The following PRRG2 variants were observed in gnomAD, a reference collection of about 807,000 sequenced individuals.
PRRG2 encodes proline rich and Gla domain 2.
In PRRG2, 23 loss-of-function variants were observed where a neutral mutation model predicts 27.1. That is an observed-to-expected ratio of 0.85 (90% CI 0.61 to 1.20). The LOEUF (loss-of-function observed/expected upper bound fraction) is 1.20, where lower values mean the gene tolerates loss of function less well. PRRG2 is among the 50% of genes most tolerant of loss of function. The pLI, the probability that PRRG2 is intolerant of heterozygous loss-of-function variation, is 0.00. For missense variants in PRRG2, 276 were observed against 254.8 expected (o/e 1.08, Z -0.57); for synonymous variants, 104 against 103.4 (o/e 1.01, Z -0.03).
At chr19:49,586,718 G>A (rs2080673162) in intron 4 of PRRG2, among the ~76,000 whole-genome samples, 1 of 152,168 alleles carries the variant, frequency 6.6e-6, no homozygotes, top group Non-Finnish European at 1.5e-5. Flanking sequence ...GGATGTGGTG[G>A]TGCACACCTG....
intron 4 of PRRG2, among the ~76,000 whole-genome samples, chr19:49,584,957 G>C (rs973973613): frequency 3.3e-5 from 5 of 152,140 alleles, no homozygotes; most frequent in Non-Finnish European, 7.4e-5. Flanking sequence ...CTAGCAACAC[G>C]ACCAAGGGAG....
rs748016380 is a variant in PRRG2, at chr19:49,583,620, T to C, written c.164T>C (p.Leu55Pro). ...TRIPRANHWD[L>P]ELLTPGNLER... ...ATTCCAAGAGCCAACCACTGGGACCTGGAGCTGCTCACACCAGGGAACCTG... is the reference window on the plus strand; with the variant it reads ...ATTCCAAGAGCCAACCACTGGGACCCGGAGCTGCTCACACCAGGGAACCTG... The change falls in exon 3 of 7, where the codon CTG (leucine) becomes CCG (proline). Residue 55 changes from leucine to proline, a missense_variant. Physicochemically the swap from Leu to Pro is moderately conservative, Grantham distance 98. Coordinates refer to ENST00000246794, the MANE Select transcript of PRRG2 (RefSeq NM_000951.3). 17 of 1,614,070 alleles carry C rather than the reference T, an allele frequency of 1.1e-5. No individual in the cohort carries two copies. The East Asian group carries it at 3.3e-4, about 32-fold the overall frequency.
intron 4 of PRRG2, among the ~76,000 whole-genome samples, chr19:49,587,964 G>GT (rs111544199): frequency 2.5e-4 from 37 of 150,514 alleles, no homozygotes; most frequent in Admixed American, 6.0e-4. Context: ...TGTTTGTTTT[G>GT]TTTTTTTTTA....
At chr19:49,584,102 C>T in intron 4 of PRRG2, 150 bp downstream of exon 4, 1 of 739,172 alleles carries the variant, frequency 1.4e-6, no homozygotes, top group Non-Finnish European at 2.1e-6. Context: ...TAAAGGAGTT[C>T]CCTCCCTTAA....
intron 4 of PRRG2, among the ~76,000 whole-genome samples, chr19:49,584,477 A>G (rs186193955): frequency 6.6e-6 from 1 of 151,264 alleles, no homozygotes; most frequent in East Asian, 2.0e-4. Context: ...GCCTTTAATT[A>G]TTTATTTTTG....
At chr19:49,589,426 CTTT>C (rs398059803) in intron 5 of PRRG2, among the ~76,000 whole-genome samples, 213 of 132,354 alleles carry the variant, frequency 1.6e-3, no homozygotes, top group South Asian at 2.9e-3. Flanking sequence ...ACGCCTGGCC[CTTT>C]TTTTTTTTTT....
chr19:49,590,147 C>T (rs1599779818), intron 6 of PRRG2, 95 bp downstream of exon 6: 1 of 1,376,266 alleles, frequency 7.3e-7, no homozygotes, highest in Non-Finnish European at 9.6e-7. Flanking sequence ...GGAATTTGGG[C>T]CTTCTTACCT....
In PRRG2 at chr19:49,583,569, A is replaced by G. The variant is rs374600221; in HGVS notation, c.113A>G (p.Gln38Arg). The G allele has an allele frequency of 6.2e-7, 1 of 1,614,208 alleles. No homozygotes were observed. Among genetic ancestry groups the G allele is most frequent in the Non-Finnish European group, 8.5e-7 (1 of 1,180,034 alleles). The stretch of plus-strand genomic sequence containing the variant: ...GTCTTCCTGGGTCCCCCAGAGGCCC[A>G]GAGCTTCCTGAGTAGCCATACCCGG... The part of the protein sequence containing the change: ...QEVFLGPPEA[Q>R]SFLSSHTRIP... The change falls in exon 3 of 7, where the codon CAG (glutamine) becomes CGG (arginine). Residue 38 changes from glutamine (Q) to arginine (R), a missense_variant. Physicochemically the swap from Gln to Arg is conservative, Grantham distance 43. Coordinates refer to ENST00000246794, the MANE Select transcript of PRRG2 (RefSeq NM_000951.3).
intron 4 of PRRG2, among the ~76,000 whole-genome samples, chr19:49,585,091 C>T (rs2080659217): frequency 6.6e-6 from 1 of 152,174 alleles, no homozygotes; most frequent in Admixed American, 6.5e-5. Context: ...AGCAACGGGG[C>T]CTGGCCAGGC....
At chr19:49,587,654 T>C (rs2122250113) in intron 4 of PRRG2, among the ~76,000 whole-genome samples, 1 of 150,846 alleles carries the variant, frequency 6.6e-6, no homozygotes. Context: ...CCTGGATAAT[T>C]TTGTATTTTT....
At chr19:49,581,060 A>AT (rs2080618638), upstream of PRRG2, among the ~76,000 whole-genome samples, 1 of 152,180 alleles carries the variant, frequency 6.6e-6, no homozygotes, top group Non-Finnish European at 1.5e-5. Flanking sequence ...ACTAAGGCAT[A>AT]TCGTTCCCGC....
intron 4 of PRRG2, among the ~76,000 whole-genome samples, chr19:49,584,971 G>GCCTGCCCATCCTCA (rs1568416582): frequency 6.6e-6 from 1 of 152,184 alleles, no homozygotes. Context: ...AAGGGAGGAA[G>GCCTGCCCATCCTCA]CCTGCCCATC....
chr19:49,587,001 A>G (rs1157636215), intron 4 of PRRG2, among the ~76,000 whole-genome samples: 1 of 151,940 alleles, frequency 6.6e-6, no homozygotes, highest in Admixed American at 6.6e-5. Flanking sequence ...TTACAAAAAC[A>G]CAAAAATTAG....
Position 49,583,192 on chromosome 19 carries a change from C to T in PRRG2, c.-13-15C>T, listed in dbSNP as rs377585798. The stretch of plus-strand genomic sequence containing the variant: ...GGACTAAGGCCCTTGTCAGCTGTAA[C>T]AAACCTGGTTCTAGGTGTCTGGAAA... On this transcript the variant is annotated splice_polypyrimidine_tract_variant and intron_variant, in intron 1 of 6. Coordinates refer to ENST00000246794, the MANE Select transcript of PRRG2 (RefSeq NM_000951.3). The T allele has an allele frequency of 3.1e-6, 5 of 1,606,174 alleles. No individual in the cohort carries two copies. In the African/African-American group the frequency reaches 5.4e-5, roughly 17 times the overall value.
chr19:49,589,981 AGGCCT>A lies in PRRG2; in HGVS notation c.520_524del (p.Gly174ProfsTer4), dbSNP rs755825945. ...TGCCTCCACCCCCACCCCCACCCCCAGGCCTCCCCACCTATGAGCAGGCGCTGGCA... is the reference window on the plus strand; with the variant it reads ...TGCCTCCACCCCCACCCCCACCCCCACCCCACCTATGAGCAGGCGCTGGCA... On this transcript the variant is annotated frameshift_variant, in exon 6 of 7. Coordinates refer to ENST00000246794, the MANE Select transcript of PRRG2 (RefSeq NM_000951.3). LOFTEE classifies it high-confidence loss of function. 4 of 1,297,100 alleles carry A rather than the reference AGGCCT, an allele frequency of 3.1e-6. No homozygotes were observed. The highest frequency in any genetic ancestry group is 1.3e-5 in the South Asian group (1 of 78,062). 80.3% of individuals were successfully genotyped at this position (1,297,100 alleles called of 1,614,324 possible).
rs778127619 is a variant in PRRG2, at chr19:49,588,481, C to T, written c.302-16C>T. 38 of 1,585,014 alleles carry T rather than the reference C, an allele frequency of 2.4e-5. No individual in the cohort carries two copies. The highest frequency in any genetic ancestry group is 3.3e-5 in the Non-Finnish European group (38 of 1,166,538). ...AGTCCCCGAGACAGTGTCTCCCCTT[C>T]CCTACTTTCCTGCAGGGCGTGGACG... On this transcript the variant is annotated splice_polypyrimidine_tract_variant and intron_variant, in intron 4 of 6. Coordinates refer to ENST00000246794, the MANE Select transcript of PRRG2 (RefSeq NM_000951.3).
At position 49,590,013 on chromosome 19, in the gene PRRG2, C is replaced by T. The variant is rs776893579; in HGVS notation, c.551C>T (p.Ala184Val). The change falls in exon 6 of 7, where the codon GCC becomes GTC. Residue 184 changes from alanine to valine, a missense_variant. Transcript: ENST00000246794. ...GLPTYEQALAASGVHDAPPPP... is the reference protein window; with the variant it reads ...GLPTYEQALAVSGVHDAPPPP... Reference sequence around the variant, plus strand: ...CCCACCTATGAGCAGGCGCTGGCAGCCTCTGGGGTACACGACGCACCTCCA... The same window carrying T: ...CCCACCTATGAGCAGGCGCTGGCAGTCTCTGGGGTACACGACGCACCTCCA... The T allele has an allele frequency of 2.6e-6, 4 of 1,532,430 alleles. No homozygotes were observed. The South Asian group carries it at 4.8e-5, about 18-fold the overall frequency. 94.9% of individuals were successfully genotyped at this position (1,532,430 alleles called of 1,614,324 possible). A position where few individuals can be genotyped will look rare whatever the true frequency, so the allele number is the denominator to read the frequency against.
Position 49,583,965 on chromosome 19 carries a change from C to T in PRRG2, c.301+13C>T. On this transcript the variant is annotated intron_variant, in intron 4 of 6. Coordinates refer to ENST00000246794, the MANE Select transcript of PRRG2 (RefSeq NM_000951.3). ...AATGGCAAAGGAGGTGAGTGAGGGG[C>T]TGAAGCCATCTTGTTCTGTGCAGCT... 1 of 1,611,324 alleles carries T rather than the reference C, an allele frequency of 6.2e-7. No individual in the cohort carries two copies. Among genetic ancestry groups the T allele is most frequent in the East Asian group, 2.2e-5 (1 of 44,862 alleles).
At position 49,590,447 on chromosome 19, in the gene PRRG2, GGAAGCCGCTAGGCCTCATAGACGCC is replaced by G. The variant is rs2080712294; in HGVS notation, c.*64_*88del. 3.7e-6 allele frequency: 6 copies of G among 1,611,142 alleles called. No individual in the cohort carries two copies. Among genetic ancestry groups the G allele is most frequent in the Middle Eastern group, 3.3e-4 (2 of 6,066 alleles). On this transcript the variant is annotated 3_prime_UTR_variant, in exon 7 of 7. Coordinates refer to ENST00000246794, the MANE Select transcript of PRRG2 (RefSeq NM_000951.3). ...GTGCCCCTGATTCATACCGGATTCC[GGAAGCCGCTAGGCCTCATAGACGCC>G]GAAGCTGGACTTGGAGTGGGGAATG...
Sources: allele counts gnomAD v4.1 joint callset (sites outside exome capture counted in the v4.1 genomes callset), GRCh38; gene constraint gnomAD v4.1.1; transcripts MANE v1.5; gene names NCBI Gene and HGNC (gene_info 2026-07-23, HGNC 2026-07-21).